LY75: variants seen among roughly 807,000 people sequenced by gnomAD.
LY75 encodes C-type lectin domain family 13 member B.
A neutral mutation model predicts 231.7 loss-of-function variants in LY75; 185 were observed. That is an observed-to-expected ratio of 0.80 (90% CI 0.71 to 0.90). LY75 has a LOEUF of 0.90. Ranked by LOEUF, LY75 falls within the 40% of genes least tolerant of loss-of-function variation. The pLI is 0.00. For synonymous variants in LY75, 668 were observed against 689.0 expected (o/e 0.97, Z 0.48); for missense variants, 1,947 against 2,050.2 (o/e 0.95, Z 0.97).
chr2:159,837,938 C>G (rs1051160292), intron 25 of LY75, among the ~76,000 whole-genome samples: 1 of 152,108 alleles, frequency 6.6e-6, no homozygotes, highest in Non-Finnish European at 1.5e-5. Context: ...TGTTTCCAAG[C>G]CTTCTTGACT....
Position 159,875,620 on chromosome 2 carries a change from T to C in LY75, c.1798A>G (p.Met600Val). The C allele has an allele frequency of 6.2e-7, 1 of 1,613,808 alleles. No individual in the cohort carries two copies. Among genetic ancestry groups the C allele is most frequent in the Non-Finnish European group, 8.5e-7 (1 of 1,179,924 alleles). ...TTTCCAACAGACTTTCCAGTAGACA[T>C]AGCCACGCAGCCGCCCGGGGAAGCT... ...EPASPGGCVA[M>V]STGKSVGKWE... Residue 600 changes from methionine (M) to valine (V), a missense_variant, in exon 12 of 35, where the codon ATG (methionine) becomes GTG (valine). By Grantham distance (21) the Met-to-Val change is conservative. Transcript: ENST00000263636.
At chr2:159,868,879 C>A (rs1325896500) in intron 13 of LY75, among the ~76,000 whole-genome samples, 1 of 152,034 alleles carries the variant, frequency 6.6e-6, no homozygotes, top group Non-Finnish European at 1.5e-5. Flanking sequence ...CATTAAGTTG[C>A]CCTGCTTGAA....
At chr2:159,842,483 C>T (rs1684067707) in intron 23 of LY75, 109 bp from the exon 24 acceptor site, 1 of 1,311,552 alleles carries the variant, frequency 7.6e-7, no homozygotes, top group Non-Finnish European at 1.0e-6. Flanking sequence ...AAAAGAATTC[C>T]ATGAAGGACC....
intron 3 of LY75, among the ~76,000 whole-genome samples, chr2:159,893,679 G>A (rs1188179758): frequency 2.0e-5 from 3 of 152,090 alleles, no homozygotes; most frequent in Non-Finnish European, 4.4e-5. Flanking sequence ...GGGGTGCTAT[G>A]GAACACTCCC....
At chr2:159,833,133 T>TC (rs900213014) in intron 27 of LY75, among the ~76,000 whole-genome samples, 2 of 150,952 alleles carry the variant, frequency 1.3e-5, no homozygotes, top group African/African-American at 4.9e-5. Context: ...CCCTTCCTTT[T>TC]TTTTTTTTTT....
At chr2:159,809,124 T>C (rs1682878466) in intron 32 of LY75, among the ~76,000 whole-genome samples, 1 of 152,224 alleles carries the variant, frequency 6.6e-6, no homozygotes, top group South Asian at 2.1e-4. Flanking sequence ...TCCCGGTAAC[T>C]ACAAGATTTT....
In LY75 at chr2:159,816,802, T is replaced by G. The variant is rs1175992468; in HGVS notation, c.4380+4A>C. 3 of 1,612,678 alleles carry G rather than the reference T, an allele frequency of 1.9e-6. No individual in the cohort carries two copies. Among genetic ancestry groups the G allele is most frequent in the Admixed American group, 3.3e-5 (2 of 59,838 alleles). On this transcript the variant is annotated splice_donor_region_variant and intron_variant, in intron 30 of 34. Transcript: ENST00000263636. ...AAGTTTCTGGAAAACGAAGCAAGACTTACATCATGACTTGAGAGCCCAACC... is the reference window on the plus strand; with the variant it reads ...AAGTTTCTGGAAAACGAAGCAAGACGTACATCATGACTTGAGAGCCCAACC...
Position 159,816,771 on chromosome 2 carries a change from T to A in LY75, c.4380+35A>T, listed in dbSNP as rs1458059903. The A allele has an allele frequency of 2.5e-6, 4 of 1,607,236 alleles. No individual in the cohort carries two copies. The Admixed American group carries it at 5.1e-5, about 20-fold the overall frequency. ...AATTTCTAACCCTCAAAATAACACA[T>A]TTGAAAAGTTTCTGGAAAACGAAGC... On this transcript the variant is annotated intron_variant, in intron 30 of 34. Coordinates refer to ENST00000263636, the MANE Select transcript of LY75 (RefSeq NM_002349.4).
chr2:159,867,683 T>G (rs1684897114), intron 13 of LY75, among the ~76,000 whole-genome samples: 2 of 152,218 alleles, frequency 1.3e-5, no homozygotes, highest in African/African-American at 4.8e-5. Flanking sequence ...ATGAGGGTGC[T>G]TATTCTACAA....
At chr2:159,833,109 T>C (rs1574539907) in intron 27 of LY75, among the ~76,000 whole-genome samples, 1 of 151,390 alleles carries the variant, frequency 6.6e-6, no homozygotes, top group East Asian at 2.0e-4. Context: ...CTCTCTTGTG[T>C]GTCATTTCTT....
Position 159,850,434 on chromosome 2 carries a change from A to G in LY75, c.2917T>C (p.Phe973Leu), listed in dbSNP as rs752812827. 6 of 1,613,562 alleles carry G rather than the reference A, an allele frequency of 3.7e-6. No homozygotes were observed. Among genetic ancestry groups the G allele is most frequent in the Admixed American group, 1.7e-5 (1 of 59,970 alleles). The change falls in exon 22 of 35, where the codon TTT (phenylalanine) becomes CTT (leucine). Residue 973 changes from phenylalanine to leucine, a missense_variant. Coordinates refer to ENST00000263636, the MANE Select transcript of LY75 (RefSeq NM_002349.4). ...FLKIKPVSLT[F>L]SQASDTCHSY... is the part of the protein sequence containing the mutation. Reference sequence around the variant, plus strand: ...TGACAGGTATCGCTTGCTTGAGAAAATGTGAGAGACACGGGTTTGATCTTT... The same window carrying G: ...TGACAGGTATCGCTTGCTTGAGAAAGTGTGAGAGACACGGGTTTGATCTTT...
At chr2:159,805,330 A>C in intron 34 of LY75, 108 bp from the exon 35 acceptor site, 1 of 703,316 alleles carries the variant, frequency 1.4e-6, no homozygotes, top group South Asian at 2.0e-5. Flanking sequence ...AGCTGTATAC[A>C]GACATAATAA....
At chr2:159,876,284 G>A (rs1213435754) in intron 11 of LY75, among the ~76,000 whole-genome samples, 1 of 152,158 alleles carries the variant, frequency 6.6e-6, no homozygotes, top group Non-Finnish European at 1.5e-5. Flanking sequence ...TGGTAGAGTT[G>A]GGGTTGAAAC....
At chr2:159,862,584 G>A (rs1394880012) in intron 14 of LY75, among the ~76,000 whole-genome samples, 1 of 152,096 alleles carries the variant, frequency 6.6e-6, no homozygotes, top group Non-Finnish European at 1.5e-5. Context: ...CTTGTAACTT[G>A]TCTTTTCCTT....
At chr2:159,836,510 T>C (rs1009133639) in intron 25 of LY75, among the ~76,000 whole-genome samples, 2 of 152,214 alleles carry the variant, frequency 1.3e-5, no homozygotes, top group African/African-American at 4.8e-5. Context: ...CCCATGGTGC[T>C]GCCAGAGACC....
intron 1 of LY75, chr2:159,902,657 G>A (rs2292391): frequency 0.25 from 37,434 of 152,074 alleles, 4,898 homozygotes; most frequent in Admixed American, 0.38. Flanking sequence ...CCATGTGTTC[G>A]GAATGTACAG....
intron 1 of LY75, 58 bp from the exon 2 acceptor site, chr2:159,899,117 C>A (rs536458482): frequency 1.3e-6 from 2 of 1,566,146 alleles, no homozygotes; most frequent in Non-Finnish European, 1.7e-6. Context: ...TTGCTCCCTG[C>A]CTGCTGAGGA....
chr2:159,857,613 G>C (rs116672171), intron 16 of LY75, among the ~76,000 whole-genome samples: 4,722 of 152,148 alleles, frequency 0.031, 221 homozygotes, highest in African/African-American at 0.11. Flanking sequence ...GCGGTAGTGG[G>C]TGCCTGTAGT....
chr2:159,818,125 G>A (rs924040112), intron 29 of LY75, among the ~76,000 whole-genome samples: 78 of 152,148 alleles, frequency 5.1e-4, no homozygotes, highest in African/African-American at 1.9e-3. Flanking sequence ...CTGTGCAGAA[G>A]AATTTCAAGT....
Sources: gnomAD v4.1 joint callset for allele counts (sites outside exome capture counted in the v4.1 genomes callset) on GRCh38, gnomAD v4.1.1 for gene constraint, MANE v1.5 for transcripts, NCBI Gene and HGNC (gene_info 2026-07-23, HGNC 2026-07-21) for gene names.